The following EHMT1 variants were observed in gnomAD, a reference collection of about 807,000 sequenced individuals.
EHMT1 encodes histone-lysine N-methyltransferase EHMT1.
In EHMT1, 15 loss-of-function variants were observed where a neutral mutation model predicts 147.2. The observed-to-expected ratio is 0.10, with a 90% CI of 0.07 to 0.16. The LOEUF is 0.16. Among genes scored for constraint, EHMT1 ranks in the 10% least tolerant of loss-of-function variants. The pLI is 1.00. For missense variants in EHMT1, 1,587 were observed against 1,772.4 expected (o/e 0.90, Z 1.88); for synonymous variants, 795 against 709.6 (o/e 1.12, Z -1.91).
In EHMT1 at chr9:137,743,600, A is replaced by T. The variant is rs1003520956; in HGVS notation, c.981+72A>T. On this transcript the variant is annotated intron_variant, in intron 5 of 26. Transcript: ENST00000460843. ...TTTCTGTGTTCAGGGCCTCGTTATC[A>T]GTAATTTGGGTGACCTCAGTCCCCG... 4.4e-6 allele frequency: 7 copies of T among 1,607,970 alleles called. No individual in the cohort carries two copies. The African/African-American group carries it at 8.0e-5, about 18-fold the overall frequency.
At chr9:137,686,590 A>G (rs1489669844) in intron 1 of EHMT1, among the ~76,000 whole-genome samples, 4 of 151,578 alleles carry the variant, frequency 2.6e-5, no homozygotes, top group Admixed American at 2.6e-4. Flanking sequence ...AGGGTTTGCC[A>G]TGTTGCCCAT....
intron 10 of EHMT1, 36 bp downstream of exon 10, chr9:137,762,856 G>T: frequency 6.2e-7 from 1 of 1,612,578 alleles, no homozygotes. Flanking sequence ...GCAGCCACGA[G>T]GAGTGAGTGA....
At chr9:137,692,264 TTTC>T (rs201512374) in intron 1 of EHMT1, among the ~76,000 whole-genome samples, 2,403 of 138,122 alleles carry the variant, frequency 0.017, 17 homozygotes, top group African/African-American at 0.037. Flanking sequence ...TCTTTCTTTC[TTTC>T]TTTTTTTTTT....
chr9:137,716,649 G>A lies in EHMT1; in HGVS notation c.109G>A (p.Gly37Ser), dbSNP rs1945336920. 6.3e-7 allele frequency: 1 copy of A among 1,583,738 alleles called. No individual in the cohort carries two copies. Among genetic ancestry groups the A allele is most frequent in the South Asian group, 1.1e-5 (1 of 87,800 alleles). ...AGAGACACCTATGGCTGCCGATGAAGGCTCAGCAGAGAAACAGGCAGGAGA... is the reference window on the plus strand; with the variant it reads ...AGAGACACCTATGGCTGCCGATGAAAGCTCAGCAGAGAAACAGGCAGGAGA... ...GEETPMAADE[G>S]SAEKQAGEAH... is the part of the protein sequence containing the mutation. The change falls in exon 3 of 27, where the codon GGC becomes AGC. Residue 37 changes from glycine (G) to serine (S), a missense_variant. Gly to Ser is a moderately conservative substitution (Grantham distance 56). This residue lies in a region of EHMT1 where 810 missense variants were observed against 673.0 expected (regional missense o/e 1.20). Coordinates refer to ENST00000460843, the MANE Select transcript of EHMT1 (RefSeq NM_024757.5).
At chr9:137,779,484 C>A in intron 13 of EHMT1, 151 bp from the exon 14 acceptor site, 1 of 767,280 alleles carries the variant, frequency 1.3e-6, no homozygotes. Flanking sequence ...AGACGTCTGC[C>A]GGGCCTTCCA....
intron 6 of EHMT1, among the ~76,000 whole-genome samples, chr9:137,749,913 C>T (rs1002391742): frequency 5.9e-5 from 9 of 152,248 alleles, no homozygotes; most frequent in African/African-American, 2.2e-4. Flanking sequence ...AGGGTTAGAA[C>T]ATTTCGATGG....
intron 1 of EHMT1, among the ~76,000 whole-genome samples, chr9:137,693,560 C>T (rs903149969): frequency 3.3e-5 from 5 of 151,140 alleles, no homozygotes; most frequent in Non-Finnish European, 7.4e-5. Flanking sequence ...TGGTGCAGGA[C>T]GCTGGCCGAT....
intron 26 of EHMT1, 66 bp from the exon 27 acceptor site, chr9:137,834,707 T>A (rs1956480520): frequency 6.2e-7 from 1 of 1,611,420 alleles, no homozygotes; most frequent in Non-Finnish European, 8.5e-7. Flanking sequence ...CTTGCCTTAA[T>A]TTATCTGGCT....
At chr9:137,694,177 C>A in intron 1 of EHMT1, among the ~76,000 whole-genome samples, 1 of 132,104 alleles carries the variant, frequency 7.6e-6, no homozygotes, top group Non-Finnish European at 1.6e-5. Context: ...GGACGCTGGC[C>A]GATACCCACC....
chr9:137,749,514 A>C (rs1359774647), intron 6 of EHMT1, among the ~76,000 whole-genome samples: 1 of 151,980 alleles, frequency 6.6e-6, no homozygotes, highest in African/African-American at 2.4e-5. Flanking sequence ...TGCCCAGGCT[A>C]ATCTTGAACT....
intron 1 of EHMT1, among the ~76,000 whole-genome samples, chr9:137,683,471 C>T (rs1288429554): frequency 6.6e-6 from 1 of 152,186 alleles, no homozygotes; most frequent in South Asian, 2.1e-4. Context: ...GAGATGAGGT[C>T]ATGTTATGTT....
intron 10 of EHMT1, chr9:137,764,898 C>T (rs1950114673): frequency 6.6e-6 from 1 of 152,152 alleles, no homozygotes; most frequent in South Asian, 2.1e-4. Context: ...TCATAACTTT[C>T]TTGTGTTGTT....
intron 9 of EHMT1, among the ~76,000 whole-genome samples, chr9:137,762,362 T>C (rs1488982396): frequency 6.6e-6 from 1 of 152,108 alleles, no homozygotes; most frequent in Non-Finnish European, 1.5e-5. Context: ...ATTTAGGAGC[T>C]ACTGCCAGAG....
intron 1 of EHMT1, among the ~76,000 whole-genome samples, chr9:137,669,327 A>C (rs1346843770): frequency 1.1e-5 from 1 of 88,404 alleles, no homozygotes; most frequent in Admixed American, 1.2e-4. Flanking sequence ...AGACGCCCCC[A>C]CAGCACGTGG....
At chr9:137,811,404 C>A in intron 18 of EHMT1, 57 bp from the exon 19 acceptor site, 2 of 1,607,480 alleles carry the variant, frequency 1.2e-6, no homozygotes, top group African/African-American at 1.3e-5. Flanking sequence ...GTGGCCCAGC[C>A]CCAGCACTGT....
intron 14 of EHMT1, among the ~76,000 whole-genome samples, chr9:137,781,444 A>G (rs117302644): frequency 0.026 from 3,608 of 140,072 alleles, 50 homozygotes; most frequent in Admixed American, 0.036. Context: ...ACGCTGGGAT[A>G]TGCGGTGATG....
intron 1 of EHMT1, among the ~76,000 whole-genome samples, chr9:137,686,248 G>A (rs1393207280): frequency 1.3e-5 from 2 of 152,040 alleles, no homozygotes; most frequent in Non-Finnish European, 2.9e-5. Context: ...TTGGTTGCTT[G>A]TGCTTTTGGT....
chr9:137,737,074 A>G (rs1379643917), intron 4 of EHMT1, among the ~76,000 whole-genome samples: 4 of 152,032 alleles, frequency 2.6e-5, no homozygotes, highest in Non-Finnish European at 4.4e-5. Context: ...CATGGTGGCA[A>G]GTGCCTGTGG....
intron 15 of EHMT1, among the ~76,000 whole-genome samples, chr9:137,790,483 G>A (rs1000094074): frequency 2.0e-5 from 3 of 152,116 alleles, no homozygotes; most frequent in South Asian, 2.1e-4. Flanking sequence ...AGGGTGAACC[G>A]GCACCTCCCT....
Sources: allele counts gnomAD v4.1 joint callset (sites outside exome capture counted in the v4.1 genomes callset), GRCh38; gene constraint gnomAD v4.1.1; regional missense constraint gnomAD v4.1.1; transcripts MANE v1.5; gene names NCBI Gene and HGNC (gene_info 2026-07-23, HGNC 2026-07-21).